PCGF5: variants seen among roughly 807,000 people sequenced by gnomAD.
PCGF5 encodes the protein polycomb group RING finger protein 5.
In PCGF5, 9 loss-of-function variants were observed where a neutral mutation model predicts 44.3. The observed-to-expected ratio is 0.20, with a 90% CI of 0.12 to 0.35. The LOEUF is 0.35. Among genes scored for constraint, PCGF5 ranks in the 10% least tolerant of loss-of-function variants. The pLI is 1.00. For synonymous variants in PCGF5, 95 were observed against 102.5 expected (o/e 0.93, Z 0.44); for missense variants, 146 against 305.3 (o/e 0.48, Z 3.89).
intron 1 of PCGF5, among the ~76,000 whole-genome samples, chr10:91,214,841 G>C (rs1325138711): frequency 6.6e-6 from 1 of 152,212 alleles, no homozygotes; most frequent in African/African-American, 2.4e-5. Flanking sequence ...GGAAGGAGCA[G>C]AGAATCCCCA....
Position 91,256,888 on chromosome 10 carries a change from C to T in PCGF5, c.475-4438C>T, listed in dbSNP as rs1845765960. ...AGGAGAAATTAAGATATTCCCATGA[C>T]CTTGGATTTGGCAGTGGATTCTTAG... On this transcript the variant is annotated intron_variant, in intron 6 of 9. Coordinates refer to ENST00000336126, the MANE Select transcript of PCGF5 (RefSeq NM_032373.5). 2.0e-5 allele frequency among the ~76,000 whole-genome samples: 3 copies of T among 152,126 alleles called. 1 individual carries two copies. The South Asian group carries it at 6.2e-4, about 32-fold the overall frequency.
chr10:91,198,567 C>A (rs1844188893), intron 1 of PCGF5, among the ~76,000 whole-genome samples: 1 of 152,208 alleles, frequency 6.6e-6, no homozygotes, highest in Non-Finnish European at 1.5e-5. Context: ...GCATCACTGG[C>A]TTTCTCTCTA....
chr10:91,172,781 A>G (rs1843633063), intron 1 of PCGF5, among the ~76,000 whole-genome samples: 1 of 152,228 alleles, frequency 6.6e-6, no homozygotes, highest in African/African-American at 2.4e-5. Flanking sequence ...GTTTGCGCAT[A>G]GGTCCTTAGT....
chr10:91,264,767 C>G (rs974670433), intron 8 of PCGF5, among the ~76,000 whole-genome samples: 1 of 152,066 alleles, frequency 6.6e-6, no homozygotes, highest in Non-Finnish European at 1.5e-5. Flanking sequence ...GTTCAGGACT[C>G]TACTAACCAA....
chr10:91,162,156 G>T (rs1843397332), upstream of PCGF5, among the ~76,000 whole-genome samples: 1 of 152,010 alleles, frequency 6.6e-6, no homozygotes, highest in African/African-American at 2.4e-5. Context: ...CGGAGGCTTT[G>T]GGGTGAGGGT....
chr10:91,201,513 C>A (rs921194841), intron 1 of PCGF5, among the ~76,000 whole-genome samples: 58 of 152,174 alleles, frequency 3.8e-4, no homozygotes, highest in African/African-American at 1.3e-3. Flanking sequence ...TACCAGGAAG[C>A]CCAATGTGTA....
At chr10:91,193,452 C>T (rs894065853) in intron 1 of PCGF5, among the ~76,000 whole-genome samples, 46 of 151,672 alleles carry the variant, frequency 3.0e-4, no homozygotes, top group Admixed American at 3.0e-3. Context: ...GGGGGTGGGA[C>T]ATTAAGCTGA....
intron 1 of PCGF5, among the ~76,000 whole-genome samples, chr10:91,208,308 C>A (rs1428375166): frequency 6.6e-6 from 1 of 152,112 alleles, no homozygotes. Flanking sequence ...TCCTCTTGCT[C>A]ATTTTGATGC....
At chr10:91,183,637 G>A (rs1392577967) in intron 1 of PCGF5, among the ~76,000 whole-genome samples, 1 of 152,150 alleles carries the variant, frequency 6.6e-6, no homozygotes, top group Non-Finnish European at 1.5e-5. Flanking sequence ...TTGCAGACAT[G>A]TTTATGTAGT....
At chr10:91,197,513 TGAGTGG>T (rs1227317087) in intron 1 of PCGF5, among the ~76,000 whole-genome samples, 1 of 152,196 alleles carries the variant, frequency 6.6e-6, no homozygotes, top group Non-Finnish European at 1.5e-5. Context: ...TAACCCCTGA[TGAGTGG>T]GATTTGTAAG....
chr10:91,198,335 G>A (rs1160101506), intron 1 of PCGF5, among the ~76,000 whole-genome samples: 3 of 152,172 alleles, frequency 2.0e-5, no homozygotes, highest in Admixed American at 2.0e-4. Flanking sequence ...TTCCTGCTTA[G>A]GACACTTTCC....
upstream of PCGF5, among the ~76,000 whole-genome samples, chr10:91,160,844 C>A (rs927627340): frequency 6.6e-6 from 1 of 152,190 alleles, no homozygotes; most frequent in Non-Finnish European, 1.5e-5. Flanking sequence ...TGCTGCACTG[C>A]GGAATCCGGC....
rs548950333 is a variant in PCGF5 at position 91,274,791 on chromosome 10, A to G, written c.723+3094A>G. Among the ~76,000 whole-genome samples, 69 of 152,320 alleles carry G rather than the reference A, an allele frequency of 4.5e-4. 1 individual carries two copies. In the South Asian group the frequency reaches 0.014, roughly 31 times the overall value. ...TGAAGCCTGAGGCAACACACTGCAA[A>G]GGCCCTGAGAATTGATTATGTCTGG... is the stretch of plus-strand genomic sequence containing the variant. On this transcript the variant is annotated intron_variant, in intron 9 of 9. Coordinates refer to ENST00000336126, the MANE Select transcript of PCGF5 (RefSeq NM_032373.5).
intron 6 of PCGF5, among the ~76,000 whole-genome samples, chr10:91,254,192 C>T (rs914997226): frequency 2.1e-5 from 3 of 143,666 alleles, no homozygotes; most frequent in Admixed American, 1.4e-4. Flanking sequence ...TCTGTCTCTT[C>T]CCCTCCACCT....
chr10:91,276,596 A>G (rs1484192126), intron 9 of PCGF5, among the ~76,000 whole-genome samples: 2 of 152,214 alleles, frequency 1.3e-5, no homozygotes, highest in Non-Finnish European at 2.9e-5. Context: ...CACACAACAA[A>G]TGGCTACTTG....
chr10:91,174,473 C>A (rs1414905032), intron 1 of PCGF5, among the ~76,000 whole-genome samples: 2 of 152,158 alleles, frequency 1.3e-5, no homozygotes, highest in Non-Finnish European at 2.9e-5. Flanking sequence ...CACCATTGTA[C>A]TCCAGCATGG....
At chr10:91,208,053 A>G (rs547796915) in intron 1 of PCGF5, among the ~76,000 whole-genome samples, 2 of 152,290 alleles carry the variant, frequency 1.3e-5, no homozygotes, top group East Asian at 1.9e-4. Context: ...ACACTGTACA[A>G]CTATGTAAAT....
At chr10:91,263,204 G>A (rs750783420) in intron 7 of PCGF5, among the ~76,000 whole-genome samples, 28 of 152,126 alleles carry the variant, frequency 1.8e-4, no homozygotes, top group African/African-American at 4.6e-4. Flanking sequence ...GCTAACTGGG[G>A]CAAGATAGTT....
At chr10:91,253,724 G>C (rs10881908) in intron 6 of PCGF5, among the ~76,000 whole-genome samples, 2 of 151,942 alleles carry the variant, frequency 1.3e-5, no homozygotes, top group Admixed American at 6.6e-5. Context: ...AGTGTTTTCT[G>C]TACCCTTAAT....
Sources: gnomAD v4.1 joint callset for allele counts (sites outside exome capture counted in the v4.1 genomes callset) on GRCh38, gnomAD v4.1.1 for gene constraint, MANE v1.5 for transcripts, NCBI Gene and HGNC (gene_info 2026-07-23, HGNC 2026-07-21) for gene names.